Variants in ADAM23 observed in about 807,000 individuals in gnomAD.
ADAM23 encodes ADAM metallopeptidase domain 23, also known as disintegrin and metalloproteinase domain-containing protein 23.
A neutral mutation model predicts 120.1 loss-of-function variants in ADAM23; 33 were observed. The observed-to-expected ratio is 0.27, with a 90% CI of 0.21 to 0.37. The LOEUF (loss-of-function observed/expected upper bound fraction) is 0.37, where lower values mean the gene tolerates loss of function less well. Ranked by LOEUF, ADAM23 falls within the 10% of genes least tolerant of loss-of-function variation. The pLI is 1.00. For synonymous variants in ADAM23, 367 were observed against 375.2 expected (o/e 0.98, Z 0.25); for missense variants, 862 against 1,058.2 (o/e 0.81, Z 2.57).
At chr2:206,599,618 T>C (rs187958082) in intron 24 of ADAM23, among the ~76,000 whole-genome samples, 85 of 152,320 alleles carry the variant, frequency 5.6e-4, no homozygotes, top group Non-Finnish European at 9.0e-4. Flanking sequence ...AGTGAGAAAT[T>C]ATGTGCTTTT....
chr2:206,537,451 C>A (rs1376381680), intron 4 of ADAM23, among the ~76,000 whole-genome samples: 1 of 152,064 alleles, frequency 6.6e-6, no homozygotes, highest in Non-Finnish European at 1.5e-5. Flanking sequence ...CTGCAGAAGT[C>A]AGTCAGAGTC....
At chr2:206,596,266 A>AT (rs2105852494) in intron 24 of ADAM23, 104 bp downstream of exon 24, 1 of 810,380 alleles carries the variant, frequency 1.2e-6, no homozygotes, top group East Asian at 2.7e-5. Context: ...ACACATAAGA[A>AT]TATCTGTTTT....
chr2:206,546,544 A>G (rs879832478), intron 6 of ADAM23, among the ~76,000 whole-genome samples: 6 of 152,168 alleles, frequency 3.9e-5, no homozygotes, highest in Admixed American at 3.3e-4. Flanking sequence ...GAAATTTGGA[A>G]AAGCAAAACA....
In ADAM23 at chr2:206,557,861, T is replaced by C. The variant is rs538531742; in HGVS notation, c.1005+363T>C. Reference sequence around the variant, plus strand: ...TGGGCTTTTCTTAAATATATGGTGGTAACAGAGAAGAAAAAATGGATTGAA... The same window carrying C: ...TGGGCTTTTCTTAAATATATGGTGGCAACAGAGAAGAAAAAATGGATTGAA... On this transcript the variant is annotated intron_variant, in intron 10 of 25. Coordinates refer to ENST00000264377, the MANE Select transcript of ADAM23 (RefSeq NM_003812.4). 1.8e-4 allele frequency among the ~76,000 whole-genome samples: 27 copies of C among 152,254 alleles called. 1 individual carries two copies. In the South Asian group the frequency reaches 5.6e-3, roughly 32 times the overall value.
intron 22 of ADAM23, among the ~76,000 whole-genome samples, chr2:206,594,446 A>G (rs1698482744): frequency 6.6e-6 from 1 of 152,176 alleles, no homozygotes; most frequent in Non-Finnish European, 1.5e-5. Context: ...TCTCTCCTTT[A>G]GTCTTAATGT....
chr2:206,534,805 T>C (rs1428426570), intron 4 of ADAM23, among the ~76,000 whole-genome samples: 3 of 152,148 alleles, frequency 2.0e-5, no homozygotes, highest in Non-Finnish European at 4.4e-5. Context: ...TCTACCTTAT[T>C]ACTATCATTA....
intron 2 of ADAM23, among the ~76,000 whole-genome samples, chr2:206,449,663 G>A (rs1359314233): frequency 1.3e-5 from 2 of 152,162 alleles, no homozygotes; most frequent in Admixed American, 6.5e-5. Context: ...CCAGCTACTC[G>A]GGAGACTGAG....
intron 24 of ADAM23, among the ~76,000 whole-genome samples, chr2:206,607,395 G>A (rs1485968056): frequency 2.6e-5 from 4 of 152,102 alleles, no homozygotes; most frequent in Non-Finnish European, 5.9e-5. Flanking sequence ...ATTCCTCCTT[G>A]ACAAATGGTA....
At chr2:206,530,380 T>C (rs917950044) in intron 3 of ADAM23, among the ~76,000 whole-genome samples, 1 of 152,218 alleles carries the variant, frequency 6.6e-6, no homozygotes, top group Non-Finnish European at 1.5e-5. Flanking sequence ...TTTATACTCT[T>C]CCTTGGTGAT....
At chr2:206,470,197 A>G (rs1695624967) in intron 2 of ADAM23, among the ~76,000 whole-genome samples, 1 of 152,166 alleles carries the variant, frequency 6.6e-6, no homozygotes, top group African/African-American at 2.4e-5. Context: ...GAAGCCAACA[A>G]GGTAATATAT....
rs758257170 is a variant in ADAM23 at position 206,481,323 on chromosome 2, A to G, written c.509+15A>G. ...ATACTGAACAAGTGAGTATTTAGAC[A>G]TAATCTTCTTAAGAAGCAGGTGCAA... is the stretch of plus-strand genomic sequence containing the variant. On this transcript the variant is annotated intron_variant, in intron 3 of 25. Transcript: ENST00000264377. 5 of 1,559,670 alleles carry G rather than the reference A, an allele frequency of 3.2e-6. No individual in the cohort carries two copies. The African/African-American group carries it at 5.5e-5, about 17-fold the overall frequency.
In ADAM23 at chr2:206,492,524, A is replaced by G. The variant is rs1574495199; in HGVS notation, c.509+11216A>G. Among the ~76,000 whole-genome samples, 5 of 152,250 alleles carry G rather than the reference A, an allele frequency of 3.3e-5. No individual in the cohort carries two copies. In the South Asian group the frequency reaches 1.0e-3, roughly 31 times the overall value. On this transcript the variant is annotated intron_variant, in intron 3 of 25. Coordinates refer to ENST00000264377, the MANE Select transcript of ADAM23 (RefSeq NM_003812.4). ...AATATTTATATATTGTTTATACAAT[A>G]GAAATTTACTTCTGATGGTTCTGGA...
At chr2:206,477,897 A>AAAATATATATATATATATATAT (rs374524658) in intron 2 of ADAM23, among the ~76,000 whole-genome samples, 10 of 93,560 alleles carry the variant, frequency 1.1e-4, no homozygotes, top group South Asian at 3.2e-4. Flanking sequence ...AAAAAAAAAA[A>AAAATATATATATATATATATAT]ATATATATAT....
chr2:206,533,868 T>A (rs1484226797), intron 4 of ADAM23, among the ~76,000 whole-genome samples: 1 of 152,210 alleles, frequency 6.6e-6, no homozygotes, highest in Non-Finnish European at 1.5e-5. Context: ...TAGGTATCAG[T>A]CCAAGAATAA....
Position 206,617,672 on chromosome 2 carries a change from G to T in ADAM23, c.*45G>T. 1 of 1,610,452 alleles carries T rather than the reference G, an allele frequency of 6.2e-7. No individual in the cohort carries two copies. Among genetic ancestry groups the T allele is most frequent in the Non-Finnish European group, 8.5e-7 (1 of 1,178,414 alleles). On this transcript the variant is annotated 3_prime_UTR_variant, in exon 26 of 26. Transcript: ENST00000264377. ...CACCGCCTTGCACTGTTGGATTCTG[G>T]GTATGACATACTCGCAGCAGTGTTA...
intron 3 of ADAM23, among the ~76,000 whole-genome samples, chr2:206,489,754 C>T (rs565725198): frequency 6.6e-6 from 1 of 152,188 alleles, no homozygotes; most frequent in South Asian, 2.1e-4. Context: ...GAGTCTCCTT[C>T]ACCGTGGCTG....
chr2:206,559,973 A>C lies in ADAM23; in HGVS notation c.1024A>C (p.Asn342His), dbSNP rs770261659. ...LVDSIYKEQL[N>H]TRVVLVAVET... Reference sequence around the variant, plus strand: ...CCCTCAGATTTACAAGGAGCAGCTCAACACCAGGGTTGTCCTGGTGGCTGT... The same window carrying C: ...CCCTCAGATTTACAAGGAGCAGCTCCACACCAGGGTTGTCCTGGTGGCTGT... Residue 342 changes from asparagine to histidine, a missense_variant, in exon 11 of 26, where the codon AAC becomes CAC. Physicochemically the swap from Asn to His is moderately conservative, Grantham distance 68. This residue lies in a region of ADAM23 where 617 missense variants were observed against 813.5 expected (regional missense o/e 0.76). Coordinates refer to ENST00000264377, the MANE Select transcript of ADAM23 (RefSeq NM_003812.4). The C allele has an allele frequency of 2.5e-6, 4 of 1,613,584 alleles. No homozygotes were observed. In the African/African-American group the frequency reaches 5.3e-5, roughly 22 times the overall value.
Position 206,547,412 on chromosome 2 carries a change from C to T in ADAM23, c.721-17C>T, listed in dbSNP as rs1005349407. 3.7e-6 allele frequency: 6 copies of T among 1,606,234 alleles called. No individual in the cohort carries two copies. Among genetic ancestry groups the T allele is most frequent in the Non-Finnish European group, 5.1e-6 (6 of 1,175,068 alleles). ...CACATCTTGCTTTCTAAATTGCCTACAATTGTTTTGTTTCAGAAAAGCACA... is the reference window on the plus strand; with the variant it reads ...CACATCTTGCTTTCTAAATTGCCTATAATTGTTTTGTTTCAGAAAAGCACA... On this transcript the variant is annotated splice_polypyrimidine_tract_variant and intron_variant, in intron 6 of 25. Transcript: ENST00000264377.
intron 6 of ADAM23, among the ~76,000 whole-genome samples, chr2:206,543,776 C>T (rs1184558970): frequency 3.3e-5 from 5 of 152,148 alleles, no homozygotes; most frequent in South Asian, 4.2e-4. Context: ...CACACGCACA[C>T]GCACCATGGA....
Sources: gnomAD v4.1 joint callset for allele counts (sites outside exome capture counted in the v4.1 genomes callset) on GRCh38, gnomAD v4.1.1 for gene constraint, gnomAD v4.1.1 regional missense constraint, MANE v1.5 for transcripts, NCBI Gene and HGNC (gene_info 2026-07-23, HGNC 2026-07-21) for gene names.